The following KCNAB1 variants were observed in gnomAD, a reference collection of about 807,000 sequenced individuals.
The protein encoded by KCNAB1 is voltage-gated potassium channel subunit beta-1.
Under a neutral mutation model 64.6 loss-of-function variants are expected in KCNAB1, and 35 were observed. The ratio of observed to expected loss-of-function variants is 0.54; its 90% CI spans 0.41 to 0.72. The LOEUF (loss-of-function observed/expected upper bound fraction) is 0.72. KCNAB1 is among the 30% of genes least tolerant of loss of function. The pLI is 0.00. For synonymous variants in KCNAB1, 177 were observed against 183.8 expected (o/e 0.96, Z 0.30); for missense variants, 401 against 512.9 (o/e 0.78, Z 2.11).
At chr3:156,231,450 A>G (rs1398852765) in intron 1 of KCNAB1, among the ~76,000 whole-genome samples, 1 of 151,210 alleles carries the variant, frequency 6.6e-6, no homozygotes, top group Non-Finnish European at 1.5e-5. Flanking sequence ...AAAAATCCAC[A>G]TTCTATAGAG....
intron 1 of KCNAB1, among the ~76,000 whole-genome samples, chr3:156,228,514 C>T (rs1182158768): frequency 6.6e-6 from 1 of 152,196 alleles, no homozygotes; most frequent in East Asian, 1.9e-4. Flanking sequence ...GCTGTTTCTT[C>T]CTTCTCACTA....
rs1713631966 is a variant in KCNAB1 at position 156,192,664 on chromosome 3, CTGTTAT to C, written c.275+71780_275+71785del. Among the ~76,000 whole-genome samples, 4 of 152,058 alleles carry C rather than the reference CTGTTAT, an allele frequency of 2.6e-5. 1 individual carries two copies. In the South Asian group the frequency reaches 8.3e-4, roughly 32 times the overall value. On this transcript the variant is annotated intron_variant, in intron 1 of 13. Coordinates refer to ENST00000490337, the MANE Select transcript of KCNAB1 (RefSeq NM_172160.3). Reference sequence around the variant, plus strand: ...TTTTGTTTCATGCATTTTTGACGTTCTGTTATTAAGTACATGAATATTTAGGTTCGT... The same window carrying C: ...TTTTGTTTCATGCATTTTTGACGTTCTAAGTACATGAATATTTAGGTTCGT...
chr3:156,131,044 G>C (rs9838322), intron 1 of KCNAB1, among the ~76,000 whole-genome samples: 3 of 152,064 alleles, frequency 2.0e-5, no homozygotes, highest in Non-Finnish European at 4.4e-5. Flanking sequence ...TTTAAGTCAG[G>C]CTTTGGCCAT....
intron 2 of KCNAB1, among the ~76,000 whole-genome samples, chr3:156,440,413 G>T (rs1465780917): frequency 6.6e-6 from 1 of 152,210 alleles, no homozygotes. Context: ...ATGGAAACTT[G>T]TCTTCAGGCC....
intron 1 of KCNAB1, among the ~76,000 whole-genome samples, chr3:156,419,741 A>G (rs1421521141): frequency 6.6e-6 from 1 of 152,206 alleles, no homozygotes; most frequent in Non-Finnish European, 1.5e-5. Context: ...GATGTATCCC[A>G]TGTTACTGGA....
intron 1 of KCNAB1, among the ~76,000 whole-genome samples, chr3:156,346,117 T>C (rs1198194442): frequency 4.7e-5 from 7 of 150,222 alleles, no homozygotes. Flanking sequence ...TTGGAACTAC[T>C]CCAAAAAATG....
At chr3:156,255,065 T>C (rs1008102434) in intron 1 of KCNAB1, among the ~76,000 whole-genome samples, 2 of 152,170 alleles carry the variant, frequency 1.3e-5, no homozygotes, top group Non-Finnish European at 2.9e-5. Context: ...CTCTCCACTC[T>C]CACTGATTTA....
intron 1 of KCNAB1, among the ~76,000 whole-genome samples, chr3:156,281,419 A>G (rs1442649640): frequency 2.7e-5 from 4 of 150,142 alleles, no homozygotes; most frequent in African/African-American, 9.7e-5. Context: ...TATTGGTCTA[A>G]AATTCTCTTT....
chr3:156,297,426 A>G (rs999187665), intron 1 of KCNAB1, among the ~76,000 whole-genome samples: 2 of 152,066 alleles, frequency 1.3e-5, no homozygotes, highest in Non-Finnish European at 2.9e-5. Flanking sequence ...ATTTTTAAGC[A>G]AGATGTCTGC....
intron 1 of KCNAB1, among the ~76,000 whole-genome samples, chr3:156,263,747 T>G (rs1245588188): frequency 1.3e-5 from 2 of 152,116 alleles, no homozygotes; most frequent in Non-Finnish European, 2.9e-5. Context: ...AAATCATCTT[T>G]AGATTACTTA....
At chr3:156,170,200 G>C (rs1711873271) in intron 1 of KCNAB1, among the ~76,000 whole-genome samples, 1 of 151,712 alleles carries the variant, frequency 6.6e-6, no homozygotes, top group Admixed American at 6.6e-5. Flanking sequence ...AATCGTCATG[G>C]GTTTCCCTTC....
At chr3:156,409,176 C>G (rs1460640395) in intron 1 of KCNAB1, among the ~76,000 whole-genome samples, 1 of 152,216 alleles carries the variant, frequency 6.6e-6, no homozygotes, top group Non-Finnish European at 1.5e-5. Context: ...GCACCAGCTA[C>G]TCTGCCATCA....
intron 7 of KCNAB1, among the ~76,000 whole-genome samples, chr3:156,468,514 A>G (rs1267658022): frequency 1.3e-5 from 2 of 152,100 alleles, no homozygotes; most frequent in African/African-American, 4.8e-5. Context: ...CAACTCTGTG[A>G]TTTATGAGCT....
At chr3:156,425,143 A>T (rs1715727596) in intron 2 of KCNAB1, among the ~76,000 whole-genome samples, 2 of 152,220 alleles carry the variant, frequency 1.3e-5, no homozygotes, top group South Asian at 4.1e-4. Context: ...CAGGCTTAGG[A>T]TGTCAGCTCA....
At chr3:156,127,895 G>T (rs1385537064) in intron 1 of KCNAB1, among the ~76,000 whole-genome samples, 1 of 151,880 alleles carries the variant, frequency 6.6e-6, no homozygotes, top group Non-Finnish European at 1.5e-5. Context: ...GTGTGTGTGT[G>T]TGTGTGTGTG....
intron 1 of KCNAB1, among the ~76,000 whole-genome samples, chr3:156,264,461 T>C (rs1718590159): frequency 6.6e-6 from 1 of 152,110 alleles, no homozygotes; most frequent in African/African-American, 2.4e-5. Context: ...TGTCACTCTG[T>C]TCCTCTTTGA....
intron 1 of KCNAB1, among the ~76,000 whole-genome samples, chr3:156,171,718 C>T (rs1269165004): frequency 6.6e-6 from 1 of 152,154 alleles, no homozygotes; most frequent in Non-Finnish European, 1.5e-5. Context: ...CCCCTACGCC[C>T]TCCAGAGAGT....
intron 1 of KCNAB1, among the ~76,000 whole-genome samples, chr3:156,351,801 C>G (rs1379459512): frequency 6.6e-6 from 1 of 152,220 alleles, no homozygotes; most frequent in Non-Finnish European, 1.5e-5. Context: ...TTCAGGGTCT[C>G]TCTCCCTGCC....
intron 1 of KCNAB1, among the ~76,000 whole-genome samples, chr3:156,225,735 A>G (rs1267660093): frequency 1.3e-5 from 2 of 152,256 alleles, no homozygotes; most frequent in Non-Finnish European, 2.9e-5. Flanking sequence ...TCAGAATACA[A>G]AATTAATGCA....
Sources: allele counts gnomAD v4.1 joint callset (sites outside exome capture counted in the v4.1 genomes callset), GRCh38; gene constraint gnomAD v4.1.1; transcripts MANE v1.5; gene names NCBI Gene and HGNC (gene_info 2026-07-23, HGNC 2026-07-21).